The following PRKN variants were observed in gnomAD, a reference collection of about 807,000 sequenced individuals.
PRKN encodes the protein E3 ubiquitin-protein ligase parkin.
In PRKN, 56 loss-of-function variants were observed where a neutral mutation model predicts 59.5. That is an observed-to-expected ratio of 0.94 (90% CI 0.76 to 1.18). The LOEUF (loss-of-function observed/expected upper bound fraction) is 1.18, where lower values mean the gene tolerates loss of function less well. PRKN is among the 50% of genes most tolerant of loss of function. PRKN has a pLI of 0.00. For missense variants in PRKN, 657 were observed against 596.4 expected (o/e 1.10, Z -1.06); for synonymous variants, 250 against 222.1 (o/e 1.13, Z -1.12).
At chr6:162,651,135 G>C (rs1337283242) in intron 1 of PRKN, among the ~76,000 whole-genome samples, 1 of 152,104 alleles carries the variant, frequency 6.6e-6, no homozygotes, top group East Asian at 1.9e-4. Context: ...TTGTTTGTTT[G>C]TTTGTTTGTT....
chr6:161,550,141 AG>A lies in PRKN; in HGVS notation c.934-1139del, dbSNP rs1562520063. On this transcript the variant is annotated intron_variant, in intron 8 of 11. Coordinates refer to ENST00000366898, the MANE Select transcript of PRKN (RefSeq NM_004562.3). This position sits in a 1 kb window ranked among gnomAD's most constrained non-coding sequence, Gnocchi z 4.0. ...CAAGCAGAGAATACTATAAGGGGCC[AG>A]AGCCCCAGTGTGCTGATGTGGTTGG... 6.6e-6 allele frequency among the ~76,000 whole-genome samples: 1 copy of A among 152,240 alleles called. No individual in the cohort carries two copies. Among genetic ancestry groups the A allele is most frequent in the African/African-American group, 2.4e-5 (1 of 41,468 alleles).
Position 161,467,631 on chromosome 6 carries a change from G to A in PRKN, c.1084-80754C>T, listed in dbSNP as rs1790547248. Among the ~76,000 whole-genome samples, 1 of 152,194 alleles carries A rather than the reference G, an allele frequency of 6.6e-6. No homozygotes were observed. ...ACAGGGAAGGCTTCCTGGAGATGAT[G>A]ACGCTTGAGAGGAGTCTCAAAGGAT... On this transcript the variant is annotated intron_variant, in intron 9 of 11. Transcript: ENST00000366898. This position sits in a 1 kb window ranked among gnomAD's most constrained non-coding sequence, Gnocchi z 4.3.
intron 4 of PRKN, among the ~76,000 whole-genome samples, chr6:162,193,225 T>A (rs1343723823): frequency 1.3e-5 from 2 of 152,186 alleles, no homozygotes; most frequent in Non-Finnish European, 2.9e-5. Flanking sequence ...ATAAATAAAA[T>A]CTTAATTCTA....
At chr6:161,557,564 A>G (rs1401237486) in intron 8 of PRKN, among the ~76,000 whole-genome samples, 1 of 152,110 alleles carries the variant, frequency 6.6e-6, no homozygotes, top group Admixed American at 6.6e-5. Context: ...ACCAAGCGTA[A>G]ACATCCCCCA....
chr6:161,934,455 T>C (rs1376599671), intron 6 of PRKN, among the ~76,000 whole-genome samples: 1 of 152,200 alleles, frequency 6.6e-6, no homozygotes, highest in Non-Finnish European at 1.5e-5. Flanking sequence ...TCAATGGGTT[T>C]GCTTCATTGG....
At chr6:162,393,784 G>T (rs535567560) in intron 2 of PRKN, among the ~76,000 whole-genome samples, 24 of 152,236 alleles carry the variant, frequency 1.6e-4, no homozygotes, top group Middle Eastern at 3.4e-3. Flanking sequence ...ACTCTCACCG[G>T]TTTTTTCTTC....
At position 161,588,100 on chromosome 6, in the gene PRKN, G is replaced by C. The variant is rs1781583337; in HGVS notation, c.872-18684C>G. 7.2e-5 allele frequency among the ~76,000 whole-genome samples: 11 copies of C among 152,122 alleles called. No individual in the cohort carries two copies. On this transcript the variant is annotated intron_variant, in intron 7 of 11. Coordinates refer to ENST00000366898, the MANE Select transcript of PRKN (RefSeq NM_004562.3). The surrounding 1 kb of genome is among the most constrained non-coding windows in gnomAD (Gnocchi z 5.0). Reference sequence around the variant, plus strand: ...TATTAGGATTAAAAATTTACTCTATGGGGGGCTGGGCGCGGTGGCTCATGC... The same window carrying C: ...TATTAGGATTAAAAATTTACTCTATCGGGGGCTGGGCGCGGTGGCTCATGC...
chr6:162,134,709 A>G (rs1252933481), intron 4 of PRKN, among the ~76,000 whole-genome samples: 1 of 152,176 alleles, frequency 6.6e-6, no homozygotes, highest in Non-Finnish European at 1.5e-5. Flanking sequence ...CCATAGGTGA[A>G]AAGAAAGGTT....
chr6:162,291,965 T>G (rs867467134), intron 2 of PRKN, among the ~76,000 whole-genome samples: 2 of 128,708 alleles, frequency 1.6e-5, no homozygotes, highest in South Asian at 5.2e-4. Flanking sequence ...ATTATTGTTT[T>G]TTTTTTTTTT....
At chr6:162,055,932 T>C (rs904537165) in intron 4 of PRKN, among the ~76,000 whole-genome samples, 3 of 151,798 alleles carry the variant, frequency 2.0e-5, no homozygotes, top group African/African-American at 7.3e-5. Context: ...CCATTACATG[T>C]GTGCACACAC....
At chr6:161,973,205 G>T in intron 6 of PRKN, 97 bp downstream of exon 6, 1 of 832,990 alleles carries the variant, frequency 1.2e-6, no homozygotes, top group Non-Finnish European at 2.1e-6. Context: ...TCGTGTGGCA[G>T]AACAATATTG....
chr6:161,993,336 A>G (rs1391089368), intron 5 of PRKN, among the ~76,000 whole-genome samples: 1 of 152,170 alleles, frequency 6.6e-6, no homozygotes, highest in East Asian at 1.9e-4. Context: ...ATGCCAACAA[A>G]TTGGAAAATC....
intron 7 of PRKN, among the ~76,000 whole-genome samples, chr6:161,631,089 G>A (rs1783289362): frequency 6.6e-6 from 1 of 152,208 alleles, no homozygotes; most frequent in Admixed American, 6.5e-5. Flanking sequence ...CCATGGAAGA[G>A]GAAGAGAGGG....
At chr6:162,338,936 C>T (rs1176908877) in intron 2 of PRKN, among the ~76,000 whole-genome samples, 1 of 151,070 alleles carries the variant, frequency 6.6e-6, no homozygotes, top group African/African-American at 2.4e-5. Context: ...CGCCTCTGCC[C>T]GGCCGCGACC....
rs1777811072 is a variant in PRKN, at chr6:161,497,784, G to A, written c.1083+51070C>T. The stretch of plus-strand genomic sequence containing the variant: ...CCTGGTTCTGTTGCCAAGGTGGGTG[G>A]GAAGTCGGCAGCAGGGATCAGTAGC... On this transcript the variant is annotated intron_variant, in intron 9 of 11. Transcript: ENST00000366898. This position sits in a 1 kb window ranked among gnomAD's most constrained non-coding sequence, Gnocchi z 4.6. Among the ~76,000 whole-genome samples the A allele has an allele frequency of 6.6e-6, 1 of 152,168 alleles. No homozygotes were observed. The highest frequency in any genetic ancestry group is 1.5e-5 in the Non-Finnish European group (1 of 68,020).
At chr6:161,947,772 G>C (rs1779836406) in intron 6 of PRKN, among the ~76,000 whole-genome samples, 1 of 152,122 alleles carries the variant, frequency 6.6e-6, no homozygotes, top group Admixed American at 6.6e-5. Context: ...TGCCTTCATA[G>C]ATTTAAAATA....
rs1432127602 is a variant in PRKN at position 161,530,383 on chromosome 6, C to G, written c.1083+18471G>C. Reference sequence around the variant, plus strand: ...GCATATCATCTTCCATATCAGGTACCCTGGTTTGAAAAATCATACTTTTAG... The same window carrying G: ...GCATATCATCTTCCATATCAGGTACGCTGGTTTGAAAAATCATACTTTTAG... On this transcript the variant is annotated intron_variant, in intron 9 of 11. Transcript: ENST00000366898. The surrounding 1 kb of genome is among the most constrained non-coding windows in gnomAD (Gnocchi z 5.0). Among the ~76,000 whole-genome samples the G allele has an allele frequency of 6.6e-6, 1 of 152,148 alleles. No individual in the cohort carries two copies. The highest frequency in any genetic ancestry group is 1.5e-5 in the Non-Finnish European group (1 of 68,028).
At chr6:161,822,266 G>A (rs1205398612) in intron 6 of PRKN, among the ~76,000 whole-genome samples, 1 of 152,162 alleles carries the variant, frequency 6.6e-6, no homozygotes, top group Non-Finnish European at 1.5e-5. Flanking sequence ...ATGAAGAAAA[G>A]GGTTTGTTAT....
chr6:161,642,026 G>A (rs1214036257), intron 7 of PRKN, among the ~76,000 whole-genome samples: 2 of 152,162 alleles, frequency 1.3e-5, no homozygotes, highest in Admixed American at 1.3e-4. Context: ...ATTTATGAAT[G>A]TCTGGCTGCC....
Sources: allele counts gnomAD v4.1 joint callset (sites outside exome capture counted in the v4.1 genomes callset), GRCh38; gene constraint gnomAD v4.1.1; non-coding constraint Gnocchi (gnomAD v3.1); transcripts MANE v1.5; gene names NCBI Gene and HGNC (gene_info 2026-07-23, HGNC 2026-07-21).